Variants in ITCH observed in about 807,000 individuals in gnomAD.
ITCH encodes itchy E3 ubiquitin protein ligase, also known as E3 ubiquitin-protein ligase Itchy homolog.
A neutral mutation model predicts 126.8 loss-of-function variants in ITCH; 28 were observed. The observed-to-expected ratio is 0.22, with a 90% confidence interval of 0.16 to 0.30. The LOEUF (loss-of-function observed/expected upper bound fraction) is 0.30. Among genes scored for constraint, ITCH ranks in the 10% least tolerant of loss-of-function variants. The probability of loss-of-function intolerance (pLI) is 1.00; values close to 1 mark genes in which losing one functional copy is unlikely to be tolerated. For synonymous variants in ITCH, 342 were observed against 340.0 expected (o/e 1.01, Z -0.06); for missense variants, 631 against 1,032.4 (o/e 0.61, Z 5.33).
In ITCH at chr20:34,502,050, T is replaced by C. The variant is rs1990282658; in HGVS notation, c.2417-2281T>C. 2.0e-5 allele frequency among the ~76,000 whole-genome samples: 3 copies of C among 152,202 alleles called. No individual in the cohort carries two copies. In the South Asian group the frequency reaches 6.2e-4, roughly 31 times the overall value. ...AAAAAGCCTCGGAGACCATAACATT[T>C]GAAAGGTGGCTGAAAATAGGAACAT... On this transcript the variant is annotated intron_variant, in intron 23 of 24. Coordinates refer to ENST00000374864, the MANE Select transcript of ITCH (RefSeq NM_031483.7).
chr20:34,481,537 G>C (rs1037442616), intron 20 of ITCH, among the ~76,000 whole-genome samples: 1 of 152,054 alleles, frequency 6.6e-6, no homozygotes, highest in African/African-American at 2.4e-5. Flanking sequence ...CTTTCCTGCT[G>C]CTGATAAAGA....
Position 34,471,487 on chromosome 20 carries a change from A to G in ITCH, c.1541A>G (p.Lys514Arg), listed in dbSNP as rs1388247412. Reference sequence around the variant, plus strand: ...CACATAAAGATTACAGTGACAAGAAAAACATTGTTTGAGGATTCCTTTCAA... The same window carrying G: ...CACATAAAGATTACAGTGACAAGAAGAACATTGTTTGAGGATTCCTTTCAA... ...PQHIKITVTR[K>R]TLFEDSFQQI... is the part of the protein sequence containing the mutation. The change falls in exon 16 of 25, where the codon AAA becomes AGA. Residue 514 changes from lysine (K) to arginine (R), a missense_variant. Physicochemically the swap from Lys to Arg is conservative, Grantham distance 26 (BLOSUM62 2). Coordinates refer to ENST00000374864, the MANE Select transcript of ITCH (RefSeq NM_031483.7). The G allele has an allele frequency of 6.2e-7, 1 of 1,608,060 alleles. No homozygotes were observed. The highest frequency in any genetic ancestry group is 8.5e-7 in the Non-Finnish European group (1 of 1,174,408).
intron 1 of ITCH, among the ~76,000 whole-genome samples, chr20:34,365,981 A>G (rs1042759254): frequency 6.6e-6 from 1 of 152,192 alleles, no homozygotes; most frequent in Non-Finnish European, 1.5e-5. Context: ...GGAAGTGGCC[A>G]ATTCTGTGTG....
Position 34,440,311 on chromosome 20 carries a change from T to G in ITCH, c.836T>G (p.Leu279Ter). Residue 279 changes from leucine (L) to a stop codon, truncating the protein, a stop_gained, in exon 9 of 25, where the codon TTA becomes TGA. Coordinates refer to ENST00000374864, the MANE Select transcript of ITCH (RefSeq NM_031483.7). LOFTEE classifies it high-confidence loss of function. The part of the protein sequence containing the change: ...TISGGSGPRP[L>*]NPVTQAPLPP... ...TCTGGAGGCTCAGGCCCTAGGCCAT[T>G]AAATCCTGTAACTCAAGCTCCCTTG... The G allele has an allele frequency of 6.2e-7, 1 of 1,614,100 alleles. No individual in the cohort carries two copies. The highest frequency in any genetic ancestry group is 8.5e-7 in the Non-Finnish European group (1 of 1,179,940).
At chr20:34,448,666 G>A (rs1337672740) in intron 11 of ITCH, among the ~76,000 whole-genome samples, 2 of 151,944 alleles carry the variant, frequency 1.3e-5, no homozygotes, top group Non-Finnish European at 2.9e-5. Flanking sequence ...AAGAAGAAAG[G>A]GTTTAACCAA....
chr20:34,501,216 T>C (rs1279474549), intron 23 of ITCH, among the ~76,000 whole-genome samples: 1 of 152,222 alleles, frequency 6.6e-6, no homozygotes, highest in Non-Finnish European at 1.5e-5. Context: ...ATCCCACTTT[T>C]ATTAATATAT....
intron 6 of ITCH, among the ~76,000 whole-genome samples, chr20:34,414,996 C>A (rs932301264): frequency 1.5e-4 from 23 of 152,200 alleles, no homozygotes; most frequent in African/African-American, 5.1e-4. Flanking sequence ...ACACAGCTAG[C>A]ATATTTAATA....
At position 34,412,625 on chromosome 20, in the gene ITCH, C is replaced by T. The variant is rs754067595; in HGVS notation, c.323C>T (p.Ser108Leu). The stretch of plus-strand genomic sequence containing the variant: ...TTAGATATTTATGAAACATTAAAGT[C>T]AAACAATATGAAACGTATGTATGTA... ...AALDIYETLK[S>L]NNMKLEEVVV... Residue 108 changes from serine (S) to leucine (L), a missense_variant, in exon 5 of 25, where the codon TCA (serine) becomes TTA (leucine). By Grantham distance (145) the Ser-to-Leu change is moderately radical. Around this residue, in one of 4 missense-constraint regions of ITCH, gnomAD observed 220 missense variants for 265.7 expected, o/e 0.83. Transcript: ENST00000374864. 3.1e-6 allele frequency: 5 copies of T among 1,607,178 alleles called. No individual in the cohort carries two copies. The highest frequency in any genetic ancestry group is 3.3e-5 in the Admixed American group (2 of 59,950).
intron 11 of ITCH, among the ~76,000 whole-genome samples, chr20:34,448,348 G>A (rs1367723961): frequency 6.6e-6 from 1 of 151,808 alleles, no homozygotes; most frequent in Non-Finnish European, 1.5e-5. Context: ...AGCCGAGATC[G>A]TGCCACTGTA....
At chr20:34,427,325 C>A (rs1437687288) in intron 7 of ITCH, among the ~76,000 whole-genome samples, 1 of 152,174 alleles carries the variant, frequency 6.6e-6, no homozygotes, top group East Asian at 1.9e-4. Context: ...GTAGCTCACA[C>A]CTGTAATCCC....
At chr20:34,478,579 T>G (rs965494441) in intron 17 of ITCH, among the ~76,000 whole-genome samples, 7 of 152,196 alleles carry the variant, frequency 4.6e-5, no homozygotes, top group African/African-American at 1.4e-4. Flanking sequence ...AGTGTGATGT[T>G]GGGCAAATAT....
At position 34,470,140 on chromosome 20, in the gene ITCH, C is replaced by G; in HGVS notation, c.1497+20C>G. The G allele has an allele frequency of 1.3e-6, 2 of 1,570,834 alleles. No individual in the cohort carries two copies. The highest frequency in any genetic ancestry group is 1.7e-6 in the Non-Finnish European group (2 of 1,146,936). On this transcript the variant is annotated intron_variant, in intron 15 of 24. Coordinates refer to ENST00000374864, the MANE Select transcript of ITCH (RefSeq NM_031483.7). ...TGTCAGGTTAGTATTGGAACTGTAT[C>G]TCTGTACTGCCTTAACTTTGTTGTG...
chr20:34,394,227 A>AC (rs1263799345), intron 3 of ITCH, among the ~76,000 whole-genome samples: 13 of 151,850 alleles, frequency 8.6e-5, no homozygotes, highest in African/African-American at 3.1e-4. Flanking sequence ...AAAAAAAAAA[A>AC]AAAAACTTAA....
intron 11 of ITCH, among the ~76,000 whole-genome samples, chr20:34,447,687 C>T (rs1283680597): frequency 6.6e-6 from 1 of 152,198 alleles, no homozygotes. Flanking sequence ...TCATCTGTAA[C>T]TTGGGCTCAG....
At chr20:34,378,508 A>G (rs2123037564) in intron 2 of ITCH, among the ~76,000 whole-genome samples, 1 of 151,652 alleles carries the variant, frequency 6.6e-6, no homozygotes, top group East Asian at 1.9e-4. Context: ...GTAAAAAAAA[A>G]AAAAGAATAT....
At chr20:34,499,272 CTTTTTTTTTTTT>C (rs386393666) in intron 23 of ITCH, among the ~76,000 whole-genome samples, 44 of 23,026 alleles carry the variant, frequency 1.9e-3, no homozygotes, top group Non-Finnish European at 2.6e-3. Context: ...CTGTGCCCAG[CTTTTTTTTTTTT>C]TTTTTTTTTT....
chr20:34,394,265 A>G (rs1183988827), intron 3 of ITCH, among the ~76,000 whole-genome samples: 1 of 151,790 alleles, frequency 6.6e-6, no homozygotes, highest in African/African-American at 2.4e-5. Context: ...TGGCTGTTAC[A>G]TGTCAGGTGC....
rs1361193126 is a variant in ITCH, at chr20:34,456,180, GTGTGTATATATATA to G, written c.1211-1208_1211-1195del. 9.3e-4 allele frequency among the ~76,000 whole-genome samples: 41 copies of G among 44,140 alleles called. 1 individual carries two copies. Among genetic ancestry groups the G allele is most frequent in the East Asian group, 1.3e-3 (2 of 1,498 alleles). 29.0% of individuals were successfully genotyped at this position (44,140 alleles called of 152,430 possible). A position where few individuals can be genotyped will look rare whatever the true frequency, so the allele number is the denominator to read the frequency against. ...ATATTGTGTGTGTGTGTGTGTGTGT[GTGTGTATATATATA>G]TATATATATATATATATATATTTTT... is the stretch of plus-strand genomic sequence containing the variant. On this transcript the variant is annotated intron_variant, in intron 12 of 24. Transcript: ENST00000374864.
intron 3 of ITCH, among the ~76,000 whole-genome samples, chr20:34,394,667 G>A (rs968600062): frequency 1.3e-5 from 2 of 152,126 alleles, no homozygotes; most frequent in African/African-American, 2.4e-5. Flanking sequence ...TAGGAGAAAA[G>A]GCGTACATCT....
Sources: allele counts gnomAD v4.1 joint callset (sites outside exome capture counted in the v4.1 genomes callset), GRCh38; gene constraint gnomAD v4.1.1; regional missense constraint gnomAD v4.1.1; transcripts MANE v1.5; gene names NCBI Gene and HGNC (gene_info 2026-07-23, HGNC 2026-07-21).